The following KMT2E variants were observed in gnomAD, a reference collection of about 807,000 sequenced individuals.
KMT2E encodes the protein lysine methyltransferase 2E (inactive), also known as histone reader KMT2E.
In KMT2E, 30 loss-of-function variants were observed where a neutral mutation model predicts 184.6. The observed-to-expected ratio is 0.16, with a 90% confidence interval of 0.12 to 0.22. KMT2E has a LOEUF of 0.22. KMT2E is among the 10% of genes least tolerant of loss of function. KMT2E has a pLI of 1.00. For synonymous variants in KMT2E, 815 were observed against 776.5 expected (o/e 1.05, Z -0.82); for missense variants, 2,023 against 2,237.4 (o/e 0.90, Z 1.93).
chr7:105,059,389 A>C (rs967142018), intron 3 of KMT2E, among the ~76,000 whole-genome samples: 2 of 152,190 alleles, frequency 1.3e-5, no homozygotes, highest in Non-Finnish European at 2.9e-5. Flanking sequence ...CTTCTGTGTA[A>C]TTTTTAAAGA....
Position 105,113,311 on chromosome 7 carries a change from A to G in KMT2E, c.5555A>G (p.Tyr1852Cys). Residue 1852 changes from tyrosine (Y) to cysteine (C), a missense_variant, in exon 27 of 27, where the codon TAC (tyrosine) becomes TGC (cysteine). By Grantham distance (194) the Tyr-to-Cys change is radical. Coordinates refer to ENST00000311117, the MANE Select transcript of KMT2E (RefSeq NM_182931.3). ...AQVPPTFQNN[Y>C]HGSGWH ...GTGCCACCAACATTTCAAAACAATT[A>G]CCATGGGTCAGGGTGGCATTAAAAT... 1 of 1,612,514 alleles carries G rather than the reference A, an allele frequency of 6.2e-7. No individual in the cohort carries two copies. The highest frequency in any genetic ancestry group is 8.5e-7 in the Non-Finnish European group (1 of 1,178,726).
At chr7:105,109,338 T>C (rs1462117397) in intron 23 of KMT2E, 110 bp downstream of exon 23, 1 of 1,080,216 alleles carries the variant, frequency 9.3e-7, no homozygotes, top group Non-Finnish European at 1.3e-6. Flanking sequence ...GTGGTCACAA[T>C]TTTAAAAGAT....
chr7:105,048,606 T>TA (rs902148629), intron 3 of KMT2E, among the ~76,000 whole-genome samples: 2 of 152,216 alleles, frequency 1.3e-5, no homozygotes, highest in Non-Finnish European at 2.9e-5. Context: ...AATCCTCTTT[T>TA]ACTTGCCTAA....
chr7:105,045,173 C>T (rs1316774206), intron 3 of KMT2E, among the ~76,000 whole-genome samples: 2 of 152,348 alleles, frequency 1.3e-5, no homozygotes, highest in East Asian at 1.9e-4. Flanking sequence ...AGTGACCATG[C>T]TACCATCACA....
intron 15 of KMT2E, among the ~76,000 whole-genome samples, chr7:105,092,937 T>C (rs944117695): frequency 3.9e-5 from 6 of 152,158 alleles, no homozygotes; most frequent in Non-Finnish European, 2.9e-5. Context: ...CTCACACCTG[T>C]AATCCCAGCA....
At chr7:105,093,063 T>C (rs1798271223) in intron 15 of KMT2E, among the ~76,000 whole-genome samples, 1 of 152,138 alleles carries the variant, frequency 6.6e-6, no homozygotes, top group Admixed American at 6.6e-5. Flanking sequence ...GGTGTGACAG[T>C]GCATGCCTGT....
chr7:105,101,987 G>A lies in KMT2E; in HGVS notation c.1989G>A (p.Gln663=). Residue 663 remains glutamine (Q), a synonymous_variant, in exon 17 of 27, where the codon CAG becomes CAA. Transcript: ENST00000311117. Reference sequence around the variant, plus strand: ...CTCGGAGTAGGACTCACATTGGACAGCAGCGTCGGAGACACAGAACTGTCA... The same window carrying A: ...CTCGGAGTAGGACTCACATTGGACAACAGCGTCGGAGACACAGAACTGTCA... ...SFSRSRTHIG[Q]QRRRHRTVSM... is the part of the protein sequence containing the mutation. 6.2e-7 allele frequency: 1 copy of A among 1,613,930 alleles called. No homozygotes were observed. Among genetic ancestry groups the A allele is most frequent in the Non-Finnish European group, 8.5e-7 (1 of 1,179,878 alleles).
rs956310876 is a variant in KMT2E at position 105,111,729 on chromosome 7, A to C, written c.4069-96A>C. 9 of 1,378,634 alleles carry C rather than the reference A, an allele frequency of 6.5e-6. No individual in the cohort carries two copies. In the South Asian group the frequency reaches 8.9e-5, roughly 14 times the overall value. 85.4% of individuals were successfully genotyped at this position (1,378,634 alleles called of 1,614,324 possible). Reference sequence around the variant, plus strand: ...GGATGTTATTTCCTGCCCCCCATTAAAATTAATATTTAGGTAGTATTAAAT... The same window carrying C: ...GGATGTTATTTCCTGCCCCCCATTACAATTAATATTTAGGTAGTATTAAAT... On this transcript the variant is annotated intron_variant, in intron 26 of 26. Coordinates refer to ENST00000311117, the MANE Select transcript of KMT2E (RefSeq NM_182931.3).
intron 17 of KMT2E, chr7:105,102,776 C>T (rs937393733): frequency 2.6e-5 from 4 of 152,672 alleles, no homozygotes; most frequent in African/African-American, 9.7e-5. Context: ...GGCAGAGATA[C>T]TAAAGTGTGG....
At chr7:105,037,866 G>GTTATTT (rs10692185) in intron 1 of KMT2E, among the ~76,000 whole-genome samples, 89,493 of 151,236 alleles carry the variant, frequency 0.59, 28,212 homozygotes, top group East Asian at 0.92. Context: ...TTATTTTTCA[G>GTTATTT]TTAAACATTT....
In KMT2E at chr7:105,110,620, C is replaced by G. The variant is rs192970777; in HGVS notation, c.3970+18C>G. The G allele has an allele frequency of 3.7e-6, 6 of 1,613,660 alleles. No individual in the cohort carries two copies. The East Asian group carries it at 8.9e-5, about 24-fold the overall frequency. On this transcript the variant is annotated intron_variant, in intron 25 of 26. Transcript: ENST00000311117. Reference sequence around the variant, plus strand: ...TATGGAAGGTCAGTAAGCAGATGACCGATAATGTTATTCTTAACAAATTTT... The same window carrying G: ...TATGGAAGGTCAGTAAGCAGATGACGGATAATGTTATTCTTAACAAATTTT...
intron 1 of KMT2E, among the ~76,000 whole-genome samples, chr7:105,036,737 T>A (rs1795676724): frequency 6.6e-6 from 1 of 152,254 alleles, no homozygotes; most frequent in Non-Finnish European, 1.5e-5. Context: ...TCTAGAGCAC[T>A]ATCTGGTAGT....
At chr7:105,100,219 TTAGAG>T (rs1798594471) in intron 15 of KMT2E, among the ~76,000 whole-genome samples, 2 of 152,222 alleles carry the variant, frequency 1.3e-5, no homozygotes, top group Middle Eastern at 3.2e-3. Flanking sequence ...AGAAGTATTA[TTAGAG>T]TACTTTTGTT....
chr7:105,111,074 C>G (rs1319900825), intron 26 of KMT2E: 1 of 550,446 alleles, frequency 1.8e-6, no homozygotes, highest in Non-Finnish European at 3.2e-6. Context: ...ACCAAACATT[C>G]AAGTTTTCTA....
chr7:105,046,821 CTA>C (rs1223392010), intron 3 of KMT2E, among the ~76,000 whole-genome samples: 1 of 152,130 alleles, frequency 6.6e-6, no homozygotes, highest in East Asian at 1.9e-4. Flanking sequence ...GAAGTTAGGA[CTA>C]TGTACAATAC....
At chr7:105,030,505 A>G (rs909281395) in intron 1 of KMT2E, among the ~76,000 whole-genome samples, 17 of 152,268 alleles carry the variant, frequency 1.1e-4, no homozygotes, top group African/African-American at 4.1e-4. Context: ...TAAAATGTCA[A>G]CATTAGGAAC....
At chr7:105,032,073 C>CAAAAA (rs869308527) in intron 1 of KMT2E, among the ~76,000 whole-genome samples, 6 of 77,266 alleles carry the variant, frequency 7.8e-5, no homozygotes, top group Admixed American at 1.7e-4. Context: ...ACTCTTATCA[C>CAAAAA]AAAAAAAAAA....
intron 3 of KMT2E, among the ~76,000 whole-genome samples, chr7:105,057,876 TTAACA>T (rs1019610865): frequency 6.6e-6 from 1 of 152,208 alleles, no homozygotes; most frequent in African/African-American, 2.4e-5. Context: ...TATAACAAAA[TTAACA>T]TAAAGTATCC....
chr7:105,095,768 T>A (rs1798384821), intron 15 of KMT2E, among the ~76,000 whole-genome samples: 1 of 152,134 alleles, frequency 6.6e-6, no homozygotes, highest in African/African-American at 2.4e-5. Flanking sequence ...AGTAGACTGT[T>A]TATACTCACT....
Sources: allele counts gnomAD v4.1 joint callset (sites outside exome capture counted in the v4.1 genomes callset), GRCh38; gene constraint gnomAD v4.1.1; transcripts MANE v1.5; gene names NCBI Gene and HGNC (gene_info 2026-07-23, HGNC 2026-07-21).